Variants in INSL6 observed in about 807,000 individuals in gnomAD.
INSL6 encodes the protein insulin-like peptide INSL6.
INSL6 carries 16 observed loss-of-function variants against 9.4 expected under a neutral mutation model. That is an observed-to-expected ratio of 1.70 (90% confidence interval 1.15 to 2.59). The LOEUF (loss-of-function observed/expected upper bound fraction) is 2.59, where lower values mean the gene tolerates loss of function less well. Among genes scored for constraint, INSL6 ranks in the 30% most tolerant of loss-of-function variants. INSL6 has a pLI of 0.00. For synonymous variants in INSL6, 154 were observed against 96.9 expected (o/e 1.59, Z -3.46); for missense variants, 391 against 257.3 (o/e 1.52, Z -3.56).
the INSL6 span, among the ~76,000 whole-genome samples, chr9:5,027,450 T>G: frequency 6.6e-6 from 1 of 152,152 alleles, no homozygotes; most frequent in Non-Finnish European, 1.5e-5. Context: ...AATCTTTTTG[T>G]TAGTGGAGAG....
the INSL6 span, chr9:5,078,255 T>C: frequency 1.1e-5 from 16 of 1,482,292 alleles, no homozygotes; most frequent in Non-Finnish European, 1.5e-5. Flanking sequence ...TACTAAATGC[T>C]CCAGTACTTG....
chr9:5,096,706 C>G, the INSL6 span: 1 of 152,148 alleles, frequency 6.6e-6, no homozygotes, highest in Non-Finnish European at 1.5e-5. Context: ...AATCACAAAG[C>G]TATCGGAACA....
chr9:5,077,764 G>A, the INSL6 span, among the ~76,000 whole-genome samples: 3 of 151,862 alleles, frequency 2.0e-5, no homozygotes, highest in Non-Finnish European at 4.4e-5. Context: ...AATCACTTTT[G>A]AAAAAAAAGT....
At chr9:5,122,974 G>A, downstream of INSL6, 1 of 1,403,450 alleles carries the variant, frequency 7.1e-7, no homozygotes, top group Non-Finnish European at 9.9e-7. Flanking sequence ...TCAAGTAACT[G>A]TCTTTTAAAT....
At chr9:5,035,245 T>C in the INSL6 span, among the ~76,000 whole-genome samples, 32 of 152,218 alleles carry the variant, frequency 2.1e-4, 1 homozygote, top group East Asian at 5.2e-3. Flanking sequence ...TAATTAATAG[T>C]TTACCAACCA....
intron 2 of INSL6, among the ~76,000 whole-genome samples, chr9:5,148,713 A>C (rs1824650772): frequency 6.6e-6 from 1 of 152,108 alleles, no homozygotes; most frequent in Admixed American, 6.5e-5. Context: ...TGAGCTGCAG[A>C]CTGCAGCCCT....
the INSL6 span, among the ~76,000 whole-genome samples, chr9:5,084,165 A>G: frequency 2.0e-5 from 3 of 152,166 alleles, no homozygotes; most frequent in Admixed American, 6.5e-5. Context: ...TACATGTACA[A>G]TGAAATATAT....
At chr9:5,042,946 A>G in the INSL6 span, among the ~76,000 whole-genome samples, 1 of 152,164 alleles carries the variant, frequency 6.6e-6, no homozygotes, top group East Asian at 1.9e-4. Flanking sequence ...TTCTCGAGGC[A>G]CCTGTTCCCC....
the INSL6 span, among the ~76,000 whole-genome samples, chr9:4,992,653 G>A: frequency 6.6e-6 from 1 of 152,086 alleles, no homozygotes; most frequent in Non-Finnish European, 1.5e-5. Context: ...ATCAGGTCCA[G>A]GTACAGAATA....
chr9:5,156,046 T>G (rs7854706), intron 2 of INSL6, among the ~76,000 whole-genome samples: 1 of 152,146 alleles, frequency 6.6e-6, no homozygotes, highest in Non-Finnish European at 1.5e-5. Flanking sequence ...ACAGATCCTA[T>G]AGACATTTAA....
chr9:5,142,808 C>T (rs1047880878), intron 2 of INSL6, among the ~76,000 whole-genome samples: 1 of 152,060 alleles, frequency 6.6e-6, no homozygotes, highest in African/African-American at 2.4e-5. Flanking sequence ...AAACTTTTAC[C>T]CATTCAGTAT....
the INSL6 span, chr9:5,100,118 C>T: frequency 6.6e-6 from 1 of 152,226 alleles, no homozygotes; most frequent in Non-Finnish European, 1.5e-5. Context: ...AGTTTTCCCA[C>T]AGCTTCAGTT....
the INSL6 span, among the ~76,000 whole-genome samples, chr9:5,024,792 G>T: frequency 6.6e-6 from 1 of 152,152 alleles, no homozygotes; most frequent in Admixed American, 6.5e-5. Context: ...GAACATAGGT[G>T]TGCTCTTTGC....
chr9:5,112,465 C>T, the INSL6 span: 36 of 543,370 alleles, frequency 6.6e-5, no homozygotes, highest in Non-Finnish European at 9.4e-5. Context: ...GAAGGACCCC[C>T]GGGACCGGAC....
At chr9:5,115,345 T>C in the INSL6 span, among the ~76,000 whole-genome samples, 1 of 151,976 alleles carries the variant, frequency 6.6e-6, no homozygotes, top group Non-Finnish European at 1.5e-5. Context: ...GAAATGCAAA[T>C]CAAAACCAGA....
chr9:5,066,712 G>C, the INSL6 span: 2 of 1,609,760 alleles, frequency 1.2e-6, no homozygotes, highest in Non-Finnish European at 1.7e-6. Flanking sequence ...GAAGAAAGCA[G>C]GTAATCAGAC....
the INSL6 span, among the ~76,000 whole-genome samples, chr9:5,095,334 T>C: frequency 6.6e-6 from 1 of 151,916 alleles, no homozygotes; most frequent in Non-Finnish European, 1.5e-5. Flanking sequence ...TAGGAATAAA[T>C]ATAGTAGTTC....
At chr9:5,100,865 G>C in the INSL6 span, 2 of 152,224 alleles carry the variant, frequency 1.3e-5, no homozygotes, top group African/African-American at 2.4e-5. Flanking sequence ...GTTATTACTG[G>C]ATCAACATTT....
At chr9:5,031,534 TCTTA>T in the INSL6 span, among the ~76,000 whole-genome samples, 2,222 of 152,264 alleles carry the variant, frequency 0.015, 26 homozygotes, top group Non-Finnish European at 0.02. Flanking sequence ...AATTTTAGCT[TCTTA>T]CTTTATAATG....
Sources: gnomAD v4.1 joint callset for allele counts (sites outside exome capture counted in the v4.1 genomes callset) on GRCh38, gnomAD v4.1.1 for gene constraint, MANE v1.5 for transcripts, NCBI Gene and HGNC (gene_info 2026-07-23, HGNC 2026-07-21) for gene names.